SLC12A3: variants seen among roughly 807,000 people sequenced by gnomAD.
SLC12A3 encodes the protein Na-Cl cotransporter.
SLC12A3 carries 104 observed loss-of-function variants against 121.0 expected under a neutral mutation model. The ratio of observed to expected loss-of-function variants is 0.86; its 90% confidence interval spans 0.73 to 1.01. SLC12A3 has a LOEUF of 1.01. Ranked by LOEUF, SLC12A3 falls within the 50% of genes least tolerant of loss-of-function variation. The pLI is 0.00. For missense variants in SLC12A3, 1,328 were observed against 1,356.3 expected, an observed-to-expected ratio of 0.98 and a Z score of 0.33; for synonymous variants, 536 against 533.4, an observed-to-expected ratio of 1.00 and a Z score of -0.07.
intron 19 of SLC12A3, among the ~76,000 whole-genome samples, chr16:56,891,284 A>T (rs545219551): frequency 2.1e-4 from 31 of 144,232 alleles, no homozygotes; most frequent in African/African-American, 7.7e-4. Context: ...AGATGGGAGG[A>T]TCGCTTGAGG....
At chr16:56,875,473 G>T (rs2055153699) in intron 8 of SLC12A3, among the ~76,000 whole-genome samples, 1 of 152,154 alleles carries the variant, frequency 6.6e-6, no homozygotes. Flanking sequence ...GCCAAGGTCA[G>T]AGAGGTTCGG....
chr16:56,870,414 C>T (rs1055886439), intron 5 of SLC12A3, among the ~76,000 whole-genome samples, 179 bp downstream of exon 5: 4 of 152,268 alleles, frequency 2.6e-5, no homozygotes, highest in Non-Finnish European at 5.9e-5. Context: ...TGCTTTCCCA[C>T]AAGTCCCCTT....
At chr16:56,873,631 A>ACCCGAT (rs2055130611) in intron 8 of SLC12A3, among the ~76,000 whole-genome samples, 1 of 150,328 alleles carries the variant, frequency 6.7e-6, no homozygotes. Context: ...CAGGTGATCC[A>ACCCGAT]TTCGCCTGGG....
intron 13 of SLC12A3, among the ~76,000 whole-genome samples, chr16:56,883,405 C>A (rs763545231): frequency 5.3e-5 from 8 of 151,724 alleles, no homozygotes; most frequent in Non-Finnish European, 1.0e-4. Context: ...CTCAGCCTCC[C>A]CAGTAGCTGG....
intron 22 of SLC12A3, among the ~76,000 whole-genome samples, chr16:56,899,044 A>C (rs2055502510): frequency 6.6e-6 from 1 of 152,164 alleles, no homozygotes; most frequent in Non-Finnish European, 1.5e-5. Context: ...ATACTTGGGA[A>C]AGTCTGGTCA....
intron 18 of SLC12A3, among the ~76,000 whole-genome samples, chr16:56,889,940 A>G (rs1241307563): frequency 6.6e-6 from 1 of 152,154 alleles, no homozygotes; most frequent in Non-Finnish European, 1.5e-5. Context: ...TTTTGCATCC[A>G]TAGAATGGAG....
chr16:56,869,202 C>T (rs984136057), intron 3 of SLC12A3, among the ~76,000 whole-genome samples: 4 of 152,186 alleles, frequency 2.6e-5, no homozygotes, highest in African/African-American at 9.7e-5. Flanking sequence ...GAGGTGATCA[C>T]GGAGTGGTAA....
At chr16:56,888,070 T>C (rs377643754) in intron 18 of SLC12A3, 39 bp downstream of exon 18, 3 of 1,469,086 alleles carry the variant, frequency 2.0e-6, no homozygotes, top group African/African-American at 1.4e-5. Context: ...GGTCTGTTAA[T>C]TTGGGCCCAT....
chr16:56,883,244 T>C (rs1053354664), intron 13 of SLC12A3, among the ~76,000 whole-genome samples: 2 of 151,528 alleles, frequency 1.3e-5, no homozygotes, highest in Admixed American at 1.3e-4. Flanking sequence ...TTCTGGCAGA[T>C]GGCAATAAAG....
chr16:56,890,341 A>G lies in SLC12A3; in HGVS notation c.2353A>G (p.Met785Val), dbSNP rs1291811773. ...GCGGGAGGGACTCAACGTGTCCAAG[A>G]TGATGCAGGCGCACAGTGAGTACAT... ...RMREGLNVSK[M>V]MQAHINPVFD... is the part of the protein sequence containing the mutation. The change falls in exon 19 of 26, where the codon ATG (methionine) becomes GTG (valine). Residue 785 changes from methionine to valine, a missense_variant. Physicochemically the swap from Met to Val is conservative, Grantham distance 21. Transcript: ENST00000563236. 1 of 1,614,096 alleles carries G rather than the reference A, an allele frequency of 6.2e-7. No homozygotes were observed.
At chr16:56,908,137 T>C (rs1435585071) in intron 25 of SLC12A3, among the ~76,000 whole-genome samples, 1 of 149,928 alleles carries the variant, frequency 6.7e-6, no homozygotes, top group African/African-American at 2.5e-5. Flanking sequence ...AATGATTGTA[T>C]TCATTTCTCA....
At chr16:56,897,147 G>A (rs1231584319) in intron 22 of SLC12A3, among the ~76,000 whole-genome samples, 2 of 152,034 alleles carry the variant, frequency 1.3e-5, no homozygotes, top group Non-Finnish European at 2.9e-5. Context: ...AGAAAAGGAA[G>A]TAAATAGTAA....
chr16:56,904,335 G>C (rs1189325924), intron 24 of SLC12A3, 60 bp from the exon 25 acceptor site: 1 of 1,458,020 alleles, frequency 6.9e-7, no homozygotes, highest in South Asian at 1.1e-5. Flanking sequence ...CATAGACGTG[G>C]TGAAGGATTG....
chr16:56,908,525 TAGAAAAAA>T (rs1349162545), intron 25 of SLC12A3, among the ~76,000 whole-genome samples: 1 of 151,880 alleles, frequency 6.6e-6, no homozygotes, highest in Non-Finnish European at 1.5e-5. Flanking sequence ...CTTAAGGCAT[TAGAAAAAA>T]AGAAAAAAAG....
rs1341114289 is a variant in SLC12A3, at chr16:56,906,843, A to G, written c.2924+2381A>G. The G allele has an allele frequency of 4.6e-6, 3 of 657,560 alleles. No homozygotes were observed. In the Admixed American group the frequency reaches 5.8e-5, roughly 13 times the overall value. The allele number at this position is 657,560 out of a possible 1,614,324, so 40.7% of individuals were successfully genotyped here. ...CCTGTATGAGAAGAAAAAGACCTCA[A>G]GAAAGCAATGAAAGGAATGCAAGAA... On this transcript the variant is annotated intron_variant, in intron 25 of 25. Coordinates refer to ENST00000563236, the MANE Select transcript of SLC12A3 (RefSeq NM_001126108.2).
In SLC12A3 at chr16:56,893,027, G is replaced by GC; in HGVS notation, c.2494_2495insC (p.Asp832AlafsTer7). On this transcript the variant is annotated frameshift_variant, in exon 21 of 26. Coordinates refer to ENST00000563236, the MANE Select transcript of SLC12A3 (RefSeq NM_001126108.2). LOFTEE classifies it high-confidence loss of function. Reference sequence around the variant, plus strand: ...GTCGGAGCAGGGCAAGAAGACCATAGACATCTACTGGCTCTTTGACGATGG... The same window carrying GC: ...GTCGGAGCAGGGCAAGAAGACCATAGCACATCTACTGGCTCTTTGACGATGG... The GC allele has an allele frequency of 6.2e-7, 1 of 1,614,204 alleles. No homozygotes were observed. Among genetic ancestry groups the GC allele is most frequent in the Non-Finnish European group, 8.5e-7 (1 of 1,179,994 alleles).
Position 56,865,526 on chromosome 16 carries a change from T to C in SLC12A3, c.282+9T>C. Reference sequence around the variant, plus strand: ...TGCACTCCTTCCTCAAGGTAAGTGCTGTCTCAGAAGACTGGCCACTTCCCT... The same window carrying C: ...TGCACTCCTTCCTCAAGGTAAGTGCCGTCTCAGAAGACTGGCCACTTCCCT... On this transcript the variant is annotated intron_variant, in intron 1 of 25. Coordinates refer to ENST00000563236, the MANE Select transcript of SLC12A3 (RefSeq NM_001126108.2). The C allele has an allele frequency of 6.2e-7, 1 of 1,610,096 alleles. No homozygotes were observed. The highest frequency in any genetic ancestry group is 1.1e-5 in the South Asian group (1 of 91,084).
Position 56,870,675 on chromosome 16 carries a change from C to G in SLC12A3, c.791C>G (p.Ala264Gly), listed in dbSNP as rs1529927. ...CCCATTAACGACATCCGCATCATTG[C>G]CGTGGTCTCGGTCACTGTGCTGCTG... ...VDPINDIRIIAVVSVTVLLAI... is the reference protein window; with the variant it reads ...VDPINDIRIIGVVSVTVLLAI... The change falls in exon 6 of 26, where the codon GCC (alanine) becomes GGC (glycine). Residue 264 changes from alanine (A) to glycine (G), a missense_variant. Physicochemically the swap from Ala to Gly is moderately conservative, Grantham distance 60. Coordinates refer to ENST00000563236, the MANE Select transcript of SLC12A3 (RefSeq NM_001126108.2). The G allele has an allele frequency of 0.97, 1,563,980 of 1,613,832 alleles. 758,043 individuals carry two copies. The highest frequency in any genetic ancestry group is 1 in the East Asian group (44,845 of 44,858).
Position 56,869,716 on chromosome 16 carries a change from G to A in SLC12A3, c.506-13G>A. On this transcript the variant is annotated splice_polypyrimidine_tract_variant and intron_variant, in intron 3 of 25. Transcript: ENST00000563236. ...GGGAAATGCCCTGCCTAAGCTTTGGGTGCCCCCTGCAGTCCTGACCTGGAT... is the reference window on the plus strand; with the variant it reads ...GGGAAATGCCCTGCCTAAGCTTTGGATGCCCCCTGCAGTCCTGACCTGGAT... 6.2e-7 allele frequency: 1 copy of A among 1,612,744 alleles called. No homozygotes were observed. The highest frequency in any genetic ancestry group is 8.5e-7 in the Non-Finnish European group (1 of 1,178,838).
Sources: gnomAD v4.1 joint callset for allele counts (sites outside exome capture counted in the v4.1 genomes callset) on GRCh38, gnomAD v4.1.1 for gene constraint, MANE v1.5 for transcripts, NCBI Gene and HGNC (gene_info 2026-07-23, HGNC 2026-07-21) for gene names.